The following NDRG4 variants were observed in gnomAD, a reference collection of about 807,000 sequenced individuals.
NDRG4 encodes NDRG family member 4.
A neutral mutation model predicts 55.8 loss-of-function variants in NDRG4; 38 were observed. The ratio of observed to expected loss-of-function variants is 0.68; its 90% CI spans 0.53 to 0.89. NDRG4 has a LOEUF of 0.89. Among genes scored for constraint, NDRG4 ranks in the 40% least tolerant of loss-of-function variants. NDRG4 has a pLI of 0.00. For missense variants in NDRG4, 455 were observed against 468.6 expected (o/e 0.97, Z 0.27); for synonymous variants, 190 against 182.7 (o/e 1.04, Z -0.32).
At chr16:58,504,674 C>T (rs771975672) in intron 5 of NDRG4, 25 bp downstream of exon 5, 19 of 1,613,850 alleles carry the variant, frequency 1.2e-5, no homozygotes, top group Non-Finnish European at 1.6e-5. Context: ...GCCCCCATTA[C>T]CCCAAACACC....
At chr16:58,467,350 A>T (rs2031888780) in intron 1 of NDRG4, among the ~76,000 whole-genome samples, 1 of 152,152 alleles carries the variant, frequency 6.6e-6, no homozygotes, top group African/African-American at 2.4e-5. Context: ...TCTACTAAAA[A>T]TACAAAATCA....
At chr16:58,493,706 C>T (rs935218867) in intron 2 of NDRG4, among the ~76,000 whole-genome samples, 20 of 152,226 alleles carry the variant, frequency 1.3e-4, no homozygotes, top group African/African-American at 4.8e-4. Context: ...AGTGAGCTGC[C>T]CGGGAGTTCA....
At chr16:58,467,184 G>T (rs772309741) in intron 1 of NDRG4, among the ~76,000 whole-genome samples, 15 of 152,196 alleles carry the variant, frequency 9.9e-5, no homozygotes, top group South Asian at 2.1e-4. Flanking sequence ...CCCGACATCA[G>T]CCTTAGGAAA....
At chr16:58,474,080 A>C (rs1388319940) in intron 1 of NDRG4, among the ~76,000 whole-genome samples, 1 of 117,648 alleles carries the variant, frequency 8.5e-6, no homozygotes, top group African/African-American at 3.4e-5. Flanking sequence ...TCTGTTACCC[A>C]GGCTGGAGTC....
In NDRG4 at chr16:58,511,995, G is replaced by C. The variant is rs2038858174; in HGVS notation, c.*419G>C. The stretch of plus-strand genomic sequence containing the variant: ...GCTCAGGCACTGGCGTGGGAGCCCT[G>C]GGAGACCCCTTCCCCCACCCTCCAC... On this transcript the variant is annotated 3_prime_UTR_variant, in exon 15 of 15. Coordinates refer to ENST00000570248, the MANE Select transcript of NDRG4 (RefSeq NM_001242835.2). 1 of 461,374 alleles carries C rather than the reference G, an allele frequency of 2.2e-6. No homozygotes were observed. Among genetic ancestry groups the C allele is most frequent in the South Asian group, 1.6e-5 (1 of 64,500 alleles). The allele number at this position is 461,374 out of a possible 1,614,324, so 28.6% of individuals were successfully genotyped here. A position where few individuals can be genotyped will look rare whatever the true frequency, so the allele number is the denominator to read the frequency against.
intron 1 of NDRG4, among the ~76,000 whole-genome samples, chr16:58,477,329 T>C (rs1316365137): frequency 6.6e-6 from 1 of 152,080 alleles, no homozygotes; most frequent in Non-Finnish European, 1.5e-5. Context: ...TAGGTCTCCT[T>C]GGAGAAATGG....
chr16:58,493,174 T>C (rs542121185), intron 2 of NDRG4, among the ~76,000 whole-genome samples: 6 of 152,364 alleles, frequency 3.9e-5, no homozygotes, highest in Admixed American at 1.3e-4. Context: ...TGGGGTCATT[T>C]TCCTCCTTGT....
upstream of NDRG4, chr16:58,500,059 C>T (rs1171160387): frequency 6.9e-7 from 1 of 1,446,922 alleles, no homozygotes; most frequent in Non-Finnish European, 9.1e-7. Context: ...AAGCGAGTGG[C>T]TGCTCAGAAA....
chr16:58,483,367 TAAA>T (rs35447648), intron 1 of NDRG4, among the ~76,000 whole-genome samples: 3 of 147,456 alleles, frequency 2.0e-5, no homozygotes, highest in South Asian at 2.1e-4. Context: ...TGTTTGCCTT[TAAA>T]AAAAAAAGAA....
At chr16:58,491,171 G>A (rs1178033943) in intron 2 of NDRG4, among the ~76,000 whole-genome samples, 2 of 151,898 alleles carry the variant, frequency 1.3e-5, no homozygotes, top group African/African-American at 4.8e-5. Flanking sequence ...AGCTACTCGG[G>A]AGGCTGAGGC....
At chr16:58,501,925 G>C (rs1277146635) in intron 1 of NDRG4, 3 of 451,912 alleles carry the variant, frequency 6.6e-6, no homozygotes, top group Middle Eastern at 3.3e-4. Flanking sequence ...ACCCCAGGAG[G>C]ATAACTGTCC....
intron 13 of NDRG4, 137 bp from the exon 14 acceptor site, chr16:58,510,508 C>A: frequency 1.4e-6 from 1 of 731,106 alleles, no homozygotes; most frequent in African/African-American, 1.7e-5. Flanking sequence ...TCTGGCCCTG[C>A]CCCCAGCCTC....
At chr16:58,510,325 C>G (rs1440993410) in intron 13 of NDRG4, among the ~76,000 whole-genome samples, 4 of 152,232 alleles carry the variant, frequency 2.6e-5, no homozygotes, top group African/African-American at 9.6e-5. Flanking sequence ...CCAGGCAGCC[C>G]CAAGCTGGGA....
chr16:58,508,072 G>T, intron 10 of NDRG4, 73 bp downstream of exon 10: 1 of 1,398,858 alleles, frequency 7.1e-7, no homozygotes, highest in South Asian at 1.5e-5. Flanking sequence ...TGCCCAGCAG[G>T]GACAATTCTT....
At chr16:58,503,935 T>C in intron 2 of NDRG4, 32 bp downstream of exon 2, 2 of 1,610,448 alleles carry the variant, frequency 1.2e-6, no homozygotes, top group South Asian at 2.2e-5. Context: ...TCAGCCCTCC[T>C]CTGCCTCCCA....
chr16:58,503,921 TC>T lies in NDRG4; in HGVS notation c.127+19del. ...CCTCAACCGTAAGTGCAGCCCAGCCTCAGTCAGCCCTCCTCTGCCTCCCATC... is the reference window on the plus strand; with the variant it reads ...CCTCAACCGTAAGTGCAGCCCAGCCTAGTCAGCCCTCCTCTGCCTCCCATC... On this transcript the variant is annotated intron_variant, in intron 2 of 14. Coordinates refer to ENST00000570248, the MANE Select transcript of NDRG4 (RefSeq NM_001242835.2). 3 of 1,612,744 alleles carry T rather than the reference TC, an allele frequency of 1.9e-6. No homozygotes were observed. The highest frequency in any genetic ancestry group is 2.2e-5 in the South Asian group (2 of 91,070).
In NDRG4 at chr16:58,504,758, C is replaced by G. The variant is rs9928398; in HGVS notation, c.372+109C>G. 6.1e-6 allele frequency: 7 copies of G among 1,156,296 alleles called. No homozygotes were observed. In the East Asian group the frequency reaches 7.2e-5, roughly 12 times the overall value. 71.6% of individuals were successfully genotyped at this position (1,156,296 alleles called of 1,614,324 possible). A position where few individuals can be genotyped will look rare whatever the true frequency, so the allele number is the denominator to read the frequency against. ...AGCCTTGAGGAAGTGTCCCTGCTCT[C>G]GCTTCTCCTCCTCCCACCTCCTCTT... On this transcript the variant is annotated intron_variant, in intron 5 of 14. Coordinates refer to ENST00000570248, the MANE Select transcript of NDRG4 (RefSeq NM_001242835.2).
chr16:58,504,063 C>T (rs111782652), intron 2 of NDRG4, 91 bp from the exon 3 acceptor site: 5 of 1,594,148 alleles, frequency 3.1e-6, no homozygotes, highest in African/African-American at 2.7e-5. Context: ...CCGAGGCTTA[C>T]ACTTCTGCCT....
chr16:58,464,549 G>A lies in NDRG4; in HGVS notation c.-24+752G>A. The A allele has an allele frequency of 1.6e-6, 2 of 1,226,540 alleles. No homozygotes were observed. Among genetic ancestry groups the A allele is most frequent in the Non-Finnish European group, 2.1e-6 (2 of 960,854 alleles). The allele number at this position is 1,226,540 out of a possible 1,614,324, so 76.0% of individuals were successfully genotyped here. On this transcript the variant is annotated intron_variant, in intron 1 of 15. Transcript: ENST00000258187. This position sits in a 1 kb window ranked among gnomAD's most constrained non-coding sequence, Gnocchi z 4.8. Reference sequence around the variant, plus strand: ...GGCGCGGCGGCCGGGGACTGGGGCGGCTCGGGTCTGAGCAGGAAGGGGTGC... The same window carrying A: ...GGCGCGGCGGCCGGGGACTGGGGCGACTCGGGTCTGAGCAGGAAGGGGTGC...
Sources: allele counts gnomAD v4.1 joint callset (sites outside exome capture counted in the v4.1 genomes callset), GRCh38; gene constraint gnomAD v4.1.1; non-coding constraint Gnocchi (gnomAD v3.1); transcripts MANE v1.5; gene names NCBI Gene and HGNC (gene_info 2026-07-23, HGNC 2026-07-21).